The following PPHLN1 variants were observed in gnomAD, a reference collection of about 807,000 sequenced individuals.
PPHLN1 encodes the protein periphilin-1.
In PPHLN1, 29 loss-of-function variants were observed where a neutral mutation model predicts 51.3. That is an observed-to-expected ratio of 0.57 (90% CI 0.42 to 0.77). The LOEUF is 0.77. Among genes scored for constraint, PPHLN1 ranks in the 30% least tolerant of loss-of-function variants. The pLI is 0.00. For missense variants in PPHLN1, 436 were observed against 438.4 expected (o/e 0.99, Z 0.05); for synonymous variants, 147 against 147.8 (o/e 0.99, Z 0.04).
chr12:42,349,884 C>T (rs543839883), intron 2 of PPHLN1, among the ~76,000 whole-genome samples: 6 of 152,338 alleles, frequency 3.9e-5, no homozygotes, highest in Non-Finnish European at 7.4e-5. Context: ...ACAAAACCGC[C>T]ATCGTCATCA....
intron 9 of PPHLN1, among the ~76,000 whole-genome samples, chr12:42,427,181 C>T (rs1306874911): frequency 6.6e-6 from 1 of 152,134 alleles, no homozygotes; most frequent in Non-Finnish European, 1.5e-5. Context: ...TGGACTACCT[C>T]ATCTGTGAAA....
At chr12:42,359,946 A>G (rs1420915560) in intron 4 of PPHLN1, among the ~76,000 whole-genome samples, 1 of 151,978 alleles carries the variant, frequency 6.6e-6, no homozygotes, top group Non-Finnish European at 1.5e-5. Flanking sequence ...TGTCTCCACA[A>G]AAAATACAAA....
intron 3 of PPHLN1, among the ~76,000 whole-genome samples, chr12:42,352,685 G>T (rs750289824): frequency 6.6e-6 from 1 of 151,788 alleles, no homozygotes; most frequent in African/African-American, 2.4e-5. Flanking sequence ...GGCCCACCTT[G>T]GCCTCCCAAA....
intron 1 of PPHLN1, among the ~76,000 whole-genome samples, chr12:42,330,196 A>G (rs1178153246): frequency 6.6e-6 from 1 of 152,230 alleles, no homozygotes; most frequent in Non-Finnish European, 1.5e-5. Flanking sequence ...CTCCAGCCAC[A>G]GGGTGGTTTT....
chr12:42,446,851 G>A (rs1455278751), downstream of PPHLN1: 4 of 452,762 alleles, frequency 8.8e-6, no homozygotes, highest in Admixed American at 1.1e-4. Flanking sequence ...CGAACAGTAG[G>A]TAGCAAGGGA....
At chr12:42,379,388 T>A (rs2076577209) in intron 5 of PPHLN1, among the ~76,000 whole-genome samples, 1 of 152,020 alleles carries the variant, frequency 6.6e-6, no homozygotes, top group African/African-American at 2.4e-5. Flanking sequence ...TATAAAGATA[T>A]TTCTTCCTTT....
chr12:42,424,493 G>T lies in PPHLN1; in HGVS notation c.910-16822G>T, dbSNP rs534371573. On this transcript the variant is annotated intron_variant, in intron 9 of 9. Coordinates refer to ENST00000358314, the MANE Select transcript of PPHLN1 (RefSeq NM_201439.2). ...TTTTTTATAAGTTAGTGAACTCTAG[G>T]ATTCATCTTTATTACTAAAACTCTT... 2.0e-5 allele frequency among the ~76,000 whole-genome samples: 3 copies of T among 152,186 alleles called. No homozygotes were observed. In the South Asian group the frequency reaches 6.2e-4, roughly 32 times the overall value.
At position 42,335,877 on chromosome 12, in the gene PPHLN1, CT is replaced by C. The variant is rs772455636; in HGVS notation, c.-20-3del. 1.4e-6 allele frequency: 2 copies of C among 1,423,740 alleles called. No individual in the cohort carries two copies. Among genetic ancestry groups the C allele is most frequent in the African/African-American group, 1.6e-5 (1 of 62,406 alleles). 88.2% of individuals were successfully genotyped at this position (1,423,740 alleles called of 1,614,324 possible). On this transcript the variant is annotated splice_polypyrimidine_tract_variant and splice_region_variant and intron_variant, in intron 1 of 9. Coordinates refer to ENST00000358314, the MANE Select transcript of PPHLN1 (RefSeq NM_201439.2). ...TAAAATCCATAATTCTTTTTTTTTT[CT>C]TTAGTGGCTTACAGAAGAGACGAAA...
At chr12:42,414,723 C>G (rs1005637427) in intron 9 of PPHLN1, among the ~76,000 whole-genome samples, 2 of 152,166 alleles carry the variant, frequency 1.3e-5, no homozygotes, top group African/African-American at 4.8e-5. Flanking sequence ...CGTTGACGAA[C>G]AGCAATAGTT....
chr12:42,337,267 C>G (rs559457461), intron 2 of PPHLN1, among the ~76,000 whole-genome samples: 4 of 131,982 alleles, frequency 3.0e-5, no homozygotes, highest in Non-Finnish European at 6.6e-5. Flanking sequence ...TTTCTTTTTT[C>G]TTTTTTTTTT....
intron 8 of PPHLN1, 49 bp downstream of exon 8, chr12:42,393,738 G>A: frequency 6.6e-7 from 1 of 1,513,960 alleles, no homozygotes; most frequent in Non-Finnish European, 8.8e-7. Flanking sequence ...GTTTTGTCTG[G>A]ATTTTAAATT....
chr12:42,327,065 G>C (rs958586399), intron 1 of PPHLN1, among the ~76,000 whole-genome samples: 1 of 152,202 alleles, frequency 6.6e-6, no homozygotes, highest in Admixed American at 6.5e-5. Context: ...AGGCATACTT[G>C]TGGCCAGCCA....
intron 9 of PPHLN1, among the ~76,000 whole-genome samples, chr12:42,409,511 G>A (rs1389938287): frequency 1.3e-5 from 2 of 152,126 alleles, no homozygotes; most frequent in Non-Finnish European, 2.9e-5. Context: ...GTTACTTAGG[G>A]ATAGGGATTT....
downstream of PPHLN1, chr12:42,446,422 A>G (rs2083326875): frequency 7.3e-7 from 1 of 1,362,662 alleles, no homozygotes; most frequent in African/African-American, 1.5e-5. Context: ...CTTTTTAGCT[A>G]GGAGGGACTA....
intron 1 of PPHLN1, 39 bp downstream of exon 1, chr12:42,326,268 C>T (rs181897978): frequency 1.2e-4 from 18 of 150,752 alleles, no homozygotes; most frequent in African/African-American, 3.6e-4. Flanking sequence ...GGATGCAGAG[C>T]GTGTGCGGGC....
intron 1 of PPHLN1, among the ~76,000 whole-genome samples, chr12:42,330,975 C>T (rs1205456674): frequency 1.3e-5 from 2 of 152,226 alleles, no homozygotes; most frequent in African/African-American, 4.8e-5. Flanking sequence ...TCCCAAAGTG[C>T]TGGGATTACA....
At chr12:42,370,352 C>G (rs2075689732) in intron 4 of PPHLN1, among the ~76,000 whole-genome samples, 1 of 152,214 alleles carries the variant, frequency 6.6e-6, no homozygotes, top group Non-Finnish European at 1.5e-5. Flanking sequence ...CCCAGAGGAT[C>G]AGTAAAACTT....
At chr12:42,350,712 C>T (rs898751082) in intron 2 of PPHLN1, among the ~76,000 whole-genome samples, 46 of 152,148 alleles carry the variant, frequency 3.0e-4, no homozygotes, top group African/African-American at 9.9e-4. Context: ...TCTGCGATCC[C>T]GGCACCTCGG....
downstream of PPHLN1, chr12:42,443,068 CTTT>C: frequency 5.5e-5 from 13 of 234,398 alleles, no homozygotes; most frequent in South Asian, 1.4e-4. Context: ...GTTAAGGCTA[CTTT>C]GGCCTTGCTC....
Sources: allele counts gnomAD v4.1 joint callset (sites outside exome capture counted in the v4.1 genomes callset), GRCh38; gene constraint gnomAD v4.1.1; transcripts MANE v1.5; gene names NCBI Gene and HGNC (gene_info 2026-07-23, HGNC 2026-07-21).